The following GUCY1A2 variants were observed in gnomAD, a reference collection of about 807,000 sequenced individuals.
GUCY1A2 encodes guanylate cyclase 1 soluble subunit alpha 2, also known as guanylate cyclase soluble subunit alpha-2.
In GUCY1A2, 27 loss-of-function variants were observed where a neutral mutation model predicts 63.5. The observed-to-expected ratio is 0.43, with a 90% CI of 0.31 to 0.59. The LOEUF (loss-of-function observed/expected upper bound fraction) is 0.59, where lower values mean the gene tolerates loss of function less well. GUCY1A2 is among the 20% of genes least tolerant of loss of function. The pLI, the probability that GUCY1A2 is intolerant of heterozygous loss-of-function variation, is 0.11. For synonymous variants in GUCY1A2, 364 were observed against 343.5 expected (o/e 1.06, Z -0.66); for missense variants, 768 against 913.3 (o/e 0.84, Z 2.05).
At chr11:106,885,015 A>G (rs769508365) in intron 4 of GUCY1A2, among the ~76,000 whole-genome samples, 2 of 152,112 alleles carry the variant, frequency 1.3e-5, no homozygotes, top group Non-Finnish European at 2.9e-5. Flanking sequence ...TTTACTCCCA[A>G]CGATAAGAGG....
intron 4 of GUCY1A2, among the ~76,000 whole-genome samples, chr11:106,902,361 G>C (rs1346904267): frequency 1.3e-5 from 2 of 152,128 alleles, no homozygotes; most frequent in Non-Finnish European, 2.9e-5. Flanking sequence ...AGAACCCAAG[G>C]ATTTTCAAAA....
intron 1 of GUCY1A2, among the ~76,000 whole-genome samples, chr11:107,004,756 G>A (rs1186593258): frequency 1.3e-5 from 2 of 152,218 alleles, no homozygotes; most frequent in Admixed American, 6.5e-5. Flanking sequence ...GTCTGATGAG[G>A]TGACACTGAG....
chr11:106,759,291 G>A (rs1307606060), intron 6 of GUCY1A2, among the ~76,000 whole-genome samples: 2 of 152,122 alleles, frequency 1.3e-5, no homozygotes, highest in African/African-American at 4.8e-5. Flanking sequence ...TTATTACCAT[G>A]ATTATGTAAT....
At chr11:106,888,276 G>A (rs1859925808) in intron 4 of GUCY1A2, among the ~76,000 whole-genome samples, 3 of 150,786 alleles carry the variant, frequency 2.0e-5, no homozygotes, top group African/African-American at 4.9e-5. Flanking sequence ...GGCTAACACC[G>A]TGAAACCCCC....
At chr11:106,855,493 A>T (rs1859417215) in intron 4 of GUCY1A2, among the ~76,000 whole-genome samples, 1 of 151,572 alleles carries the variant, frequency 6.6e-6, no homozygotes. Flanking sequence ...TTTGTGGAGG[A>T]GGTGACTGCG....
At chr11:106,795,545 T>C (rs1466370143) in intron 5 of GUCY1A2, among the ~76,000 whole-genome samples, 2 of 152,184 alleles carry the variant, frequency 1.3e-5, no homozygotes, top group Non-Finnish European at 2.9e-5. Flanking sequence ...CACCTATGCA[T>C]GTGCATGCCC....
At chr11:106,733,648 A>G (rs1863539997) in intron 6 of GUCY1A2, among the ~76,000 whole-genome samples, 1 of 152,176 alleles carries the variant, frequency 6.6e-6, no homozygotes, top group South Asian at 2.1e-4. Flanking sequence ...TACGGAGCAG[A>G]CACATGAGGT....
intron 6 of GUCY1A2, among the ~76,000 whole-genome samples, chr11:106,754,457 G>A (rs1424235991): frequency 2.6e-5 from 4 of 152,180 alleles, no homozygotes; most frequent in African/African-American, 9.7e-5. Flanking sequence ...AATGCTTCCA[G>A]TTTTTGCCCA....
chr11:106,994,546 T>C (rs1212095181), intron 1 of GUCY1A2, among the ~76,000 whole-genome samples: 5 of 152,212 alleles, frequency 3.3e-5, no homozygotes, highest in Non-Finnish European at 7.3e-5. Flanking sequence ...CACATTATGG[T>C]TTTTACAAAT....
intron 4 of GUCY1A2, among the ~76,000 whole-genome samples, chr11:106,834,559 C>CA (rs1343986420): frequency 6.6e-6 from 1 of 151,774 alleles, no homozygotes; most frequent in Non-Finnish European, 1.5e-5. Flanking sequence ...GTGCTATAGG[C>CA]AAAAAATATC....
intron 6 of GUCY1A2, among the ~76,000 whole-genome samples, chr11:106,740,113 C>T (rs554111572): frequency 1.3e-5 from 2 of 151,938 alleles, no homozygotes; most frequent in African/African-American, 4.8e-5. Flanking sequence ...ATTCTCCTGC[C>T]TCAGCCTCCC....
chr11:106,911,945 C>A (rs1392973891), intron 4 of GUCY1A2, among the ~76,000 whole-genome samples: 1 of 151,934 alleles, frequency 6.6e-6, no homozygotes, highest in Non-Finnish European at 1.5e-5. Context: ...ATTGTTTGCT[C>A]TAATTTTTGA....
chr11:106,917,709 C>T lies in GUCY1A2; in HGVS notation c.1206+21751G>A, dbSNP rs924067251. Among the ~76,000 whole-genome samples the T allele has an allele frequency of 1.2e-4, 16 of 135,264 alleles. 1 individual carries two copies. The highest frequency in any genetic ancestry group is 3.9e-4 in the Admixed American group (5 of 12,868). 88.7% of individuals were successfully genotyped at this position (135,264 alleles called of 152,430 possible). ...ATCACAAGGACAAAAAACCAAACAC[C>T]GCATGTTCTCACTCATAGGTGGGAA... is the stretch of plus-strand genomic sequence containing the variant. On this transcript the variant is annotated intron_variant, in intron 4 of 7. Coordinates refer to ENST00000526355, the MANE Select transcript of GUCY1A2 (RefSeq NM_000855.3).
intron 4 of GUCY1A2, among the ~76,000 whole-genome samples, chr11:106,928,462 T>G (rs1860557798): frequency 6.6e-6 from 1 of 151,964 alleles, no homozygotes; most frequent in Non-Finnish European, 1.5e-5. Flanking sequence ...TATGCTCAGA[T>G]TTTTGACCCC....
intron 1 of GUCY1A2, among the ~76,000 whole-genome samples, chr11:106,997,475 C>G (rs967662447): frequency 2.0e-5 from 3 of 152,188 alleles, no homozygotes; most frequent in East Asian, 3.9e-4. Context: ...TTTATCATTT[C>G]TAACACAGGC....
chr11:106,742,612 A>G (rs905884633), intron 6 of GUCY1A2, among the ~76,000 whole-genome samples: 7 of 152,124 alleles, frequency 4.6e-5, no homozygotes, highest in African/African-American at 1.7e-4. Flanking sequence ...TAGGTTGGTT[A>G]CATGTCTTTG....
intron 7 of GUCY1A2, among the ~76,000 whole-genome samples, chr11:106,693,427 G>C (rs1192624598): frequency 6.6e-6 from 1 of 151,660 alleles, no homozygotes; most frequent in Non-Finnish European, 1.5e-5. Flanking sequence ...TCTATCTCTG[G>C]TATTGTGAAA....
chr11:106,765,102 T>C (rs1341514314), intron 6 of GUCY1A2, among the ~76,000 whole-genome samples: 1 of 151,996 alleles, frequency 6.6e-6, no homozygotes, highest in Non-Finnish European at 1.5e-5. Flanking sequence ...TCTTTTTTTA[T>C]CTTTTAAGTA....
chr11:106,739,968 C>T (rs1039894819), intron 6 of GUCY1A2, among the ~76,000 whole-genome samples: 1 of 151,518 alleles, frequency 6.6e-6, no homozygotes, highest in Non-Finnish European at 1.5e-5. Context: ...GCCGTAAGTA[C>T]CACTACCTTT....
Sources: gnomAD v4.1 joint callset for allele counts (sites outside exome capture counted in the v4.1 genomes callset) on GRCh38, gnomAD v4.1.1 for gene constraint, MANE v1.5 for transcripts, NCBI Gene and HGNC (gene_info 2026-07-23, HGNC 2026-07-21) for gene names.